The following ASTN2 variants were observed in gnomAD, a reference collection of about 807,000 sequenced individuals.
ASTN2 encodes the protein astrotactin 2.
In ASTN2, 54 loss-of-function variants were observed where a neutral mutation model predicts 139.8. The observed-to-expected ratio is 0.39, with a 90% CI of 0.31 to 0.48. The LOEUF (loss-of-function observed/expected upper bound fraction) is 0.48. ASTN2 is among the 20% of genes least tolerant of loss of function. The pLI, the probability that ASTN2 is intolerant of heterozygous loss-of-function variation, is 0.95. For missense variants in ASTN2, 1,565 were observed against 1,725.1 expected, an observed-to-expected ratio of 0.91 and a Z score of 1.64; for synonymous variants, 756 against 719.5, an observed-to-expected ratio of 1.05 and a Z score of -0.81.
chr9:116,706,801 C>G (rs1827999649), intron 16 of ASTN2, among the ~76,000 whole-genome samples: 1 of 130,444 alleles, frequency 7.7e-6, no homozygotes, highest in African/African-American at 3.0e-5. Flanking sequence ...TGCTGGCAAG[C>G]TCATGCTTTG....
At chr9:117,394,602 G>A (rs1379714755) in intron 1 of ASTN2, among the ~76,000 whole-genome samples, 2 of 152,230 alleles carry the variant, frequency 1.3e-5, no homozygotes, top group African/African-American at 2.4e-5. Context: ...TGTGAGGAAA[G>A]TAGCTTATAC....
intron 3 of ASTN2, among the ~76,000 whole-genome samples, chr9:117,184,495 C>T (rs1369567381): frequency 6.6e-6 from 1 of 152,180 alleles, no homozygotes; most frequent in Non-Finnish European, 1.5e-5. Context: ...CTCTCAGGGA[C>T]AGTCCTGGAG....
intron 4 of ASTN2, among the ~76,000 whole-genome samples, chr9:117,114,634 A>C (rs1392177754): frequency 1.3e-5 from 2 of 152,178 alleles, no homozygotes; most frequent in Non-Finnish European, 2.9e-5. Flanking sequence ...AGCTTTATAC[A>C]TAGCCCTGAA....
chr9:116,671,473 G>C (rs1245183947), intron 16 of ASTN2, among the ~76,000 whole-genome samples: 1 of 152,030 alleles, frequency 6.6e-6, no homozygotes, highest in East Asian at 1.9e-4. Flanking sequence ...ATAAGAAAAG[G>C]AGGGAGGAAA....
intron 1 of ASTN2, among the ~76,000 whole-genome samples, chr9:117,292,215 G>C (rs900871948): frequency 2.6e-5 from 4 of 152,168 alleles, no homozygotes; most frequent in Non-Finnish European, 5.9e-5. Flanking sequence ...GGACTTTCTA[G>C]TAAATTGTAA....
rs781001649 is a variant in ASTN2, at chr9:116,983,620, C to T, written c.1592-6835G>A. Among the ~76,000 whole-genome samples the T allele has an allele frequency of 7.6e-4, 116 of 152,196 alleles. 3 individuals are homozygous for T. Among genetic ancestry groups the T allele is most frequent in the Non-Finnish European group, 1.9e-4 (13 of 68,042 alleles). ...TCTCTGTAGTACTTAATTATGCATT[C>T]GCTTCTTTGCAGTGGTTAATTGTGG... On this transcript the variant is annotated intron_variant, in intron 7 of 22. Coordinates refer to ENST00000313400, the MANE Select transcript of ASTN2 (RefSeq NM_001365068.1).
intron 1 of ASTN2, among the ~76,000 whole-genome samples, chr9:117,300,767 G>T (rs1834856700): frequency 6.6e-6 from 1 of 152,162 alleles, no homozygotes; most frequent in Non-Finnish European, 1.5e-5. Flanking sequence ...GCCACAACAT[G>T]GCCAAAGCCC....
chr9:116,826,457 C>G (rs943301), intron 11 of ASTN2, among the ~76,000 whole-genome samples: 120,642 of 152,052 alleles, frequency 0.79, 48,073 homozygotes, highest in East Asian at 0.91. Context: ...GGACAGAGTA[C>G]ACCACACTCT....
At chr9:117,013,486 AT>A (rs58077485) in intron 6 of ASTN2, among the ~76,000 whole-genome samples, 1,480 of 115,602 alleles carry the variant, frequency 0.013, 11 homozygotes, top group African/African-American at 0.026. Flanking sequence ...ATATATATAT[AT>A]TTTTTTTTTT....
At chr9:116,502,730 G>GGAATGAAT (rs141207691) in intron 19 of ASTN2, among the ~76,000 whole-genome samples, 1 of 21,238 alleles carries the variant, frequency 4.7e-5, no homozygotes, top group African/African-American at 1.3e-4. Context: ...AAGGAAGGAA[G>GGAATGAAT]GAATGAATGA....
intron 15 of ASTN2, 37 bp downstream of exon 15, chr9:116,728,955 T>C (rs1255644678): frequency 6.5e-7 from 1 of 1,532,356 alleles, no homozygotes; most frequent in Non-Finnish European, 8.9e-7. Context: ...TGCTAAATTA[T>C]TCCAAGTCCC....
At chr9:117,027,648 C>G (rs557203912) in intron 6 of ASTN2, among the ~76,000 whole-genome samples, 44 of 152,186 alleles carry the variant, frequency 2.9e-4, no homozygotes, top group Non-Finnish European at 5.9e-4. Flanking sequence ...AATCCTCTTG[C>G]TCCTTGAAGC....
intron 13 of ASTN2, among the ~76,000 whole-genome samples, chr9:116,764,239 TG>T (rs1423826940): frequency 6.6e-6 from 1 of 152,220 alleles, no homozygotes; most frequent in East Asian, 1.9e-4. Context: ...TCAGCCCTTA[TG>T]GGGACTGCCT....
chr9:116,483,804 C>T (rs1318929329), intron 20 of ASTN2, among the ~76,000 whole-genome samples: 1 of 152,094 alleles, frequency 6.6e-6, no homozygotes, highest in Non-Finnish European at 1.5e-5. Context: ...TCTCATGCAC[C>T]TTGATTTTAA....
At chr9:116,618,301 A>G in intron 19 of ASTN2, 23 bp downstream of exon 19, 1 of 1,604,258 alleles carries the variant, frequency 6.2e-7, no homozygotes, top group South Asian at 1.1e-5. Context: ...CTATCCCAAG[A>G]AAATGGGAAC....
intron 10 of ASTN2, among the ~76,000 whole-genome samples, chr9:116,896,155 C>T (rs1833874191): frequency 6.6e-6 from 1 of 152,074 alleles, no homozygotes; most frequent in Non-Finnish European, 1.5e-5. Flanking sequence ...TCTATGAGAG[C>T]TGACCCAGAG....
rs776230323 is a variant in ASTN2, at chr9:116,698,325, G to A, written c.2806+27446C>T. The A allele has an allele frequency of 1.9e-6, 3 of 1,614,156 alleles. No homozygotes were observed. The highest frequency in any genetic ancestry group is 1.7e-6 in the Non-Finnish European group (2 of 1,180,046). On this transcript the variant is annotated intron_variant, in intron 16 of 22. Coordinates refer to ENST00000313400, the MANE Select transcript of ASTN2 (RefSeq NM_001365068.1). This position sits in a 1 kb window ranked among gnomAD's most constrained non-coding sequence, Gnocchi z 4.4. ...GGAGTATGGGCATGAGGAGCGCAGGGTCCAGGATGAGCTGGCTCGCTCTCG... is the reference window on the plus strand; with the variant it reads ...GGAGTATGGGCATGAGGAGCGCAGGATCCAGGATGAGCTGGCTCGCTCTCG...
At chr9:117,136,686 G>A (rs928881085) in intron 4 of ASTN2, among the ~76,000 whole-genome samples, 1 of 152,172 alleles carries the variant, frequency 6.6e-6, no homozygotes, top group Non-Finnish European at 1.5e-5. Flanking sequence ...GAGGGACAAT[G>A]AGACCTCAAC....
chr9:116,498,037 G>A (rs12341444), intron 19 of ASTN2, among the ~76,000 whole-genome samples: 11 of 152,106 alleles, frequency 7.2e-5, no homozygotes, highest in Non-Finnish European at 1.6e-4. Flanking sequence ...GGCCCTAGGA[G>A]CCCCTCTGTC....
Sources: allele counts gnomAD v4.1 joint callset (sites outside exome capture counted in the v4.1 genomes callset), GRCh38; gene constraint gnomAD v4.1.1; non-coding constraint Gnocchi (gnomAD v3.1); transcripts MANE v1.5; gene names NCBI Gene and HGNC (gene_info 2026-07-23, HGNC 2026-07-21).